CAMK1D: variants seen among roughly 807,000 people sequenced by gnomAD.
The protein encoded by CAMK1D is calcium/calmodulin-dependent protein kinase type 1D.
A neutral mutation model predicts 47.7 loss-of-function variants in CAMK1D; 9 were observed. The ratio of observed to expected loss-of-function variants is 0.19; its 90% confidence interval spans 0.11 to 0.33. The LOEUF is 0.33. Ranked by LOEUF, CAMK1D falls within the 10% of genes least tolerant of loss-of-function variation. CAMK1D has a pLI of 1.00. For missense variants in CAMK1D, 291 were observed against 488.7 expected (o/e 0.60, Z 3.81); for synonymous variants, 184 against 184.9 (o/e 0.99, Z 0.04).
At chr10:12,511,762 C>A (rs1111731) in intron 1 of CAMK1D, among the ~76,000 whole-genome samples, 6 of 152,098 alleles carry the variant, frequency 3.9e-5, no homozygotes, top group Non-Finnish European at 8.8e-5. Context: ...TATGCAGAAC[C>A]CATGGGCCGC....
chr10:12,366,797 A>G (rs1175265430), intron 1 of CAMK1D, among the ~76,000 whole-genome samples: 1 of 152,062 alleles, frequency 6.6e-6, no homozygotes, highest in Non-Finnish European at 1.5e-5. Context: ...CTGTGGATCT[A>G]GACTCACTGG....
chr10:12,819,227 C>T (rs904162664), intron 8 of CAMK1D, among the ~76,000 whole-genome samples: 1 of 152,170 alleles, frequency 6.6e-6, no homozygotes, highest in Non-Finnish European at 1.5e-5. Flanking sequence ...TGCTGAGTGC[C>T]ACACCATGAG....
At chr10:12,705,542 C>T (rs976961139) in intron 3 of CAMK1D, among the ~76,000 whole-genome samples, 6 of 152,146 alleles carry the variant, frequency 3.9e-5, no homozygotes, top group African/African-American at 1.4e-4. Flanking sequence ...TTTTATGCAC[C>T]TCTTATTTCA....
At chr10:12,390,615 G>T (rs149302707) in intron 1 of CAMK1D, among the ~76,000 whole-genome samples, 1 of 152,336 alleles carries the variant, frequency 6.6e-6, no homozygotes, top group African/African-American at 2.4e-5. Flanking sequence ...AGGTAAGAGT[G>T]CAGGGCCAGG....
At chr10:12,760,806 C>G in intron 3 of CAMK1D, 142 bp from the exon 4 acceptor site, 2 of 834,240 alleles carry the variant, frequency 2.4e-6, no homozygotes, top group Non-Finnish European at 3.8e-6. Flanking sequence ...TGGCTATAGC[C>G]TCTGAGGAAT....
At chr10:12,819,477 TG>T (rs1415991501) in intron 8 of CAMK1D, among the ~76,000 whole-genome samples, 1 of 152,214 alleles carries the variant, frequency 6.6e-6, no homozygotes, top group Non-Finnish European at 1.5e-5. Context: ...CACCACTCAC[TG>T]CCCGTGTGGA....
At chr10:12,582,573 G>A (rs920485156) in intron 2 of CAMK1D, among the ~76,000 whole-genome samples, 2 of 152,108 alleles carry the variant, frequency 1.3e-5, no homozygotes, top group Non-Finnish European at 2.9e-5. Flanking sequence ...AGTTTTTCTT[G>A]TAGAGGTCTT....
intron 2 of CAMK1D, among the ~76,000 whole-genome samples, chr10:12,578,323 C>T (rs1837555398): frequency 6.6e-6 from 1 of 152,096 alleles, no homozygotes; most frequent in Non-Finnish European, 1.5e-5. Flanking sequence ...AGGCAGCCAG[C>T]ACTTGGGGAG....
chr10:12,436,565 TG>T (rs1832639136), intron 1 of CAMK1D, among the ~76,000 whole-genome samples: 1 of 152,226 alleles, frequency 6.6e-6, no homozygotes, highest in Admixed American at 6.5e-5. Flanking sequence ...GTAAAGTCTT[TG>T]GGGGCAGAGG....
chr10:12,567,782 G>C (rs1040813109), intron 2 of CAMK1D, among the ~76,000 whole-genome samples: 26 of 152,282 alleles, frequency 1.7e-4, no homozygotes, highest in Non-Finnish European at 1.8e-4. Context: ...CCAGGGCAAA[G>C]CCACTTGGTA....
intron 1 of CAMK1D, among the ~76,000 whole-genome samples, chr10:12,396,979 T>C (rs1310522815): frequency 1.3e-5 from 2 of 152,240 alleles, no homozygotes; most frequent in African/African-American, 2.4e-5. Context: ...AATTTATCGC[T>C]CATCTCGACT....
intron 4 of CAMK1D, among the ~76,000 whole-genome samples, chr10:12,765,142 T>C (rs999112815): frequency 6.6e-6 from 1 of 152,194 alleles, no homozygotes; most frequent in Non-Finnish European, 1.5e-5. Context: ...GTTGATTTTC[T>C]TCTAATCTCC....
intron 2 of CAMK1D, among the ~76,000 whole-genome samples, chr10:12,566,316 C>A (rs1837122991): frequency 6.6e-6 from 1 of 152,080 alleles, no homozygotes; most frequent in South Asian, 2.1e-4. Flanking sequence ...CCTAAGGGAG[C>A]CCTTCTTGAA....
chr10:12,480,128 T>C (rs1834020034), intron 1 of CAMK1D, among the ~76,000 whole-genome samples: 1 of 152,102 alleles, frequency 6.6e-6, no homozygotes, highest in African/African-American at 2.4e-5. Context: ...TCCTGTTTCC[T>C]CTAGTTGTTG....
chr10:12,647,887 G>A (rs957730577), intron 2 of CAMK1D, among the ~76,000 whole-genome samples: 2 of 152,178 alleles, frequency 1.3e-5, no homozygotes, highest in Non-Finnish European at 2.9e-5. Context: ...CCTCCTGAGA[G>A]CCGGCAGCAC....
chr10:12,815,327 A>G (rs1003906888), intron 7 of CAMK1D, among the ~76,000 whole-genome samples: 3 of 152,240 alleles, frequency 2.0e-5, no homozygotes, highest in African/African-American at 7.2e-5. Context: ...AGCATAGCAG[A>G]AGGATGAAAT....
At chr10:12,417,272 C>G (rs188821838) in intron 1 of CAMK1D, among the ~76,000 whole-genome samples, 1,882 of 152,004 alleles carry the variant, frequency 0.012, 29 homozygotes, top group African/African-American at 0.044. Flanking sequence ...GAAAAAGAGA[C>G]TGAGAGAGAG....
chr10:12,640,126 G>A (rs575778413), intron 2 of CAMK1D, among the ~76,000 whole-genome samples: 1 of 152,218 alleles, frequency 6.6e-6, no homozygotes, highest in South Asian at 2.1e-4. Context: ...AGCGCTCCTA[G>A]CCCCAGCAAT....
At position 12,796,093 on chromosome 10, in the gene CAMK1D, T is replaced by C. The variant is rs139458031; in HGVS notation, c.641+4860T>C. Among the ~76,000 whole-genome samples, 27 of 152,338 alleles carry C rather than the reference T, an allele frequency of 1.8e-4. No individual in the cohort carries two copies. In the East Asian group the frequency reaches 4.4e-3, roughly 25 times the overall value. Reference sequence around the variant, plus strand: ...GCCTTTCTTCTCAGAACTTGAAGGATACTCATTTTTTAAATGATTATTTAA... The same window carrying C: ...GCCTTTCTTCTCAGAACTTGAAGGACACTCATTTTTTAAATGATTATTTAA... On this transcript the variant is annotated intron_variant, in intron 6 of 10. Coordinates refer to ENST00000619168, the MANE Select transcript of CAMK1D (RefSeq NM_153498.4).
Sources: allele counts gnomAD v4.1 joint callset (sites outside exome capture counted in the v4.1 genomes callset), GRCh38; gene constraint gnomAD v4.1.1; transcripts MANE v1.5; gene names NCBI Gene and HGNC (gene_info 2026-07-23, HGNC 2026-07-21).